Variants in ATP6V1E1 observed in about 807,000 individuals in gnomAD.
ATP6V1E1 encodes ATPase H+ transporting V1 subunit E1.
Under a neutral mutation model 35.2 loss-of-function variants are expected in ATP6V1E1, and 21 were observed. That is an observed-to-expected ratio of 0.60 (90% CI 0.42 to 0.86). ATP6V1E1 has a LOEUF of 0.86. Among genes scored for constraint, ATP6V1E1 ranks in the 40% least tolerant of loss-of-function variants. ATP6V1E1 has a pLI of 0.00. For missense variants in ATP6V1E1, 183 were observed against 272.6 expected, an observed-to-expected ratio of 0.67 and a Z score of 2.32; for synonymous variants, 83 against 87.8, an observed-to-expected ratio of 0.95 and a Z score of 0.30.
chr22:17,628,586 C>A lies in ATP6V1E1; in HGVS notation c.33+17G>T, dbSNP rs2057938977. On this transcript the variant is annotated intron_variant, in intron 1 of 8. Transcript: ENST00000253413. ...GACTGCCGCCGCGGCTTCGTAAGAC[C>A]CAACCAAGCCCCTCACCTGCTTTTG... 1.2e-5 allele frequency: 20 copies of A among 1,613,996 alleles called. No individual in the cohort carries two copies. The highest frequency in any genetic ancestry group is 1.6e-5 in the Non-Finnish European group (19 of 1,180,046).
intron 4 of ATP6V1E1, among the ~76,000 whole-genome samples, chr22:17,604,768 C>T (rs968067850): frequency 2.0e-5 from 3 of 152,034 alleles, no homozygotes; most frequent in Non-Finnish European, 2.9e-5. Context: ...CCGCCCTCCT[C>T]GGCCTCCCAA....
chr22:17,616,012 A>T (rs2057842286), intron 2 of ATP6V1E1, among the ~76,000 whole-genome samples: 1 of 150,766 alleles, frequency 6.6e-6, no homozygotes, highest in African/African-American at 2.5e-5. Context: ...AGCCCGGGCG[A>T]CAGTGCAAGA....
At chr22:17,607,753 G>A (rs2057793599) in intron 4 of ATP6V1E1, among the ~76,000 whole-genome samples, 1 of 152,130 alleles carries the variant, frequency 6.6e-6, no homozygotes, top group Non-Finnish European at 1.5e-5. Context: ...ATTACCCTGA[G>A]CTGCTGGTTT....
chr22:17,604,012 G>A (rs1392810134), intron 4 of ATP6V1E1, among the ~76,000 whole-genome samples: 1 of 152,162 alleles, frequency 6.6e-6, no homozygotes, highest in East Asian at 1.9e-4. Context: ...TGGAAAACAG[G>A]GAAACGGTAA....
At chr22:17,624,725 A>C (rs2057895194) in intron 1 of ATP6V1E1, among the ~76,000 whole-genome samples, 1 of 147,694 alleles carries the variant, frequency 6.8e-6, no homozygotes, top group Non-Finnish European at 1.5e-5. Flanking sequence ...AGAGGCTGAG[A>C]CAGGAGAATC....
chr22:17,627,961 AAAAAAGTGAC>A lies in ATP6V1E1; in HGVS notation c.33+632_33+641del, dbSNP rs897278354. On this transcript the variant is annotated intron_variant, in intron 1 of 8. Coordinates refer to ENST00000253413, the MANE Select transcript of ATP6V1E1 (RefSeq NM_001696.4). Reference sequence around the variant, plus strand: ...AGCATTTCCCTCAGGGTTAAAAAAAAAAAAAGTGACAAGGCTGGTTTGTTTTTTTTTTTTC... The same window carrying A: ...AGCATTTCCCTCAGGGTTAAAAAAAAAAGGCTGGTTTGTTTTTTTTTTTTC... 4.3e-3 allele frequency among the ~76,000 whole-genome samples: 640 copies of A among 150,070 alleles called. 4 individuals carry two copies. Among genetic ancestry groups the A allele is most frequent in the African/African-American group, 0.015 (621 of 41,190 alleles).
chr22:17,623,787 C>G (rs952363707), intron 1 of ATP6V1E1, among the ~76,000 whole-genome samples: 2 of 152,130 alleles, frequency 1.3e-5, no homozygotes, highest in African/African-American at 4.8e-5. Flanking sequence ...TCTGCTGCAC[C>G]CTTGGCTACC....
intron 4 of ATP6V1E1, among the ~76,000 whole-genome samples, chr22:17,605,571 T>C (rs1035872408): frequency 2.0e-5 from 3 of 152,110 alleles, no homozygotes; most frequent in African/African-American, 7.2e-5. Flanking sequence ...GTTTTGCGGT[T>C]TGGGGAAATG....
intron 4 of ATP6V1E1, 58 bp downstream of exon 4, chr22:17,612,754 A>C (rs1295370848): frequency 1.5e-6 from 2 of 1,338,428 alleles, no homozygotes; most frequent in Non-Finnish European, 2.0e-6. Context: ...AGTAATTTAC[A>C]ACAGGGAAAT....
intron 4 of ATP6V1E1, among the ~76,000 whole-genome samples, chr22:17,606,540 C>T (rs1017729742): frequency 2.0e-5 from 3 of 152,124 alleles, no homozygotes; most frequent in African/African-American, 7.2e-5. Context: ...TTTATCTTCT[C>T]AAAATTCTCA....
In ATP6V1E1 at chr22:17,615,849, G is replaced by A. The variant is rs559607211; in HGVS notation, c.100-2529C>T. On this transcript the variant is annotated intron_variant, in intron 2 of 8. Transcript: ENST00000253413. ...AGATCAAGATCACCCTGGCTAACAC[G>A]GTGAAACCCCATCTCTACTAAAAAT... Among the ~76,000 whole-genome samples, 226 of 152,144 alleles carry A rather than the reference G, an allele frequency of 1.5e-3. 4 individuals are homozygous for A. The South Asian group carries it at 0.026, about 18-fold the overall frequency.
In ATP6V1E1 at chr22:17,628,657, G is replaced by T; in HGVS notation, c.-22C>A. On this transcript the variant is annotated 5_prime_UTR_variant, in exon 1 of 9. Coordinates refer to ENST00000253413, the MANE Select transcript of ATP6V1E1 (RefSeq NM_001696.4). ...CCATGGCGAGAGCAATGCTAGGCCG[G>T]TGAACAGTAGGCTCGAGTTTAGGTT... 1 of 1,614,166 alleles carries T rather than the reference G, an allele frequency of 6.2e-7. No homozygotes were observed. Among genetic ancestry groups the T allele is most frequent in the Non-Finnish European group, 8.5e-7 (1 of 1,180,016 alleles).
chr22:17,611,728 A>C (rs1317812845), intron 4 of ATP6V1E1, among the ~76,000 whole-genome samples: 1 of 152,238 alleles, frequency 6.6e-6, no homozygotes, highest in Non-Finnish European at 1.5e-5. Context: ...GACTTGGAAG[A>C]AAAGGCAGAG....
intron 2 of ATP6V1E1, 106 bp from the exon 3 acceptor site, chr22:17,613,426 T>A (rs1311491971): frequency 3.7e-6 from 3 of 809,134 alleles, no homozygotes; most frequent in Non-Finnish European, 6.0e-6. Flanking sequence ...ATTTCATATA[T>A]AAAACAGAAA....
chr22:17,618,916 C>G, intron 2 of ATP6V1E1: 1 of 439,412 alleles, frequency 2.3e-6, no homozygotes, highest in South Asian at 1.6e-5. Context: ...AGGAGAATCA[C>G]TTGAACCCGG....
chr22:17,619,246 C>T (rs4819615), intron 2 of ATP6V1E1: 5 of 546,506 alleles, frequency 9.1e-6, no homozygotes, highest in South Asian at 2.0e-5. Context: ...GAGCCGAGAT[C>T]GCGCCATTGC....
intron 2 of ATP6V1E1, among the ~76,000 whole-genome samples, chr22:17,618,696 A>G (rs2057859188): frequency 1.3e-5 from 2 of 150,982 alleles, no homozygotes; most frequent in Non-Finnish European, 3.0e-5. Flanking sequence ...AAAAAAAAAA[A>G]AAAAAAAAAG....
intron 4 of ATP6V1E1, among the ~76,000 whole-genome samples, chr22:17,604,558 C>T (rs960851567): frequency 6.7e-6 from 1 of 149,790 alleles, no homozygotes; most frequent in Non-Finnish European, 1.5e-5. Context: ...CTCGCTTTGT[C>T]GCCCAGGCTG....
At chr22:17,621,783 A>G (rs2057878914) in intron 1 of ATP6V1E1, among the ~76,000 whole-genome samples, 1 of 152,136 alleles carries the variant, frequency 6.6e-6, no homozygotes, top group Non-Finnish European at 1.5e-5. Flanking sequence ...TTTGGGCCTC[A>G]GCTTGTATAA....
Sources: gnomAD v4.1 joint callset for allele counts (sites outside exome capture counted in the v4.1 genomes callset) on GRCh38, gnomAD v4.1.1 for gene constraint, MANE v1.5 for transcripts, NCBI Gene and HGNC (gene_info 2026-07-23, HGNC 2026-07-21) for gene names.